Variants in PIAS2 observed in about 807,000 individuals in gnomAD.
PIAS2 encodes the protein E3 SUMO-protein ligase PIAS2.
In PIAS2, 19 loss-of-function variants were observed where a neutral mutation model predicts 69.7. The observed-to-expected ratio is 0.27, with a 90% CI of 0.19 to 0.40. The LOEUF is 0.40. Ranked by LOEUF, PIAS2 falls within the 10% of genes least tolerant of loss-of-function variation. The probability of loss-of-function intolerance (pLI) is 1.00; values close to 1 mark genes in which losing one functional copy is unlikely to be tolerated. For synonymous variants in PIAS2, 261 were observed against 263.2 expected (o/e 0.99, Z 0.08); for missense variants, 624 against 757.0 (o/e 0.82, Z 2.06).
At position 46,890,637 on chromosome 18, in the gene PIAS2, A is replaced by C. The variant is rs771619826; in HGVS notation, c.442T>G (p.Leu148Val). Residue 148 changes from leucine to valine, a missense_variant, in exon 2 of 14, where the codon TTA becomes GTA. This residue lies in a region of PIAS2 where 339 missense variants were observed against 408.8 expected (regional missense o/e 0.83). Transcript: ENST00000585916. Reference sequence around the variant, plus strand: ...ACATCATAAAAGGGCAGATTTTTTAACTGCACATCAGGATGGACAGGAGGA... The same window carrying C: ...ACATCATAAAAGGGCAGATTTTTTACCTGCACATCAGGATGGACAGGAGGA... ...PIPPVHPDVQ[L>V]KNLPFYDVLD... 6.2e-7 allele frequency: 1 copy of C among 1,614,200 alleles called. No individual in the cohort carries two copies. The highest frequency in any genetic ancestry group is 8.5e-7 in the Non-Finnish European group (1 of 1,180,010).
At chr18:46,827,840 A>G (rs2043034304) in intron 11 of PIAS2, 119 bp downstream of exon 11, 1 of 861,272 alleles carries the variant, frequency 1.2e-6, no homozygotes, top group Non-Finnish European at 1.7e-6. Context: ...CAACTCAACA[A>G]AGGCAAATTA....
intron 4 of PIAS2, 39 bp downstream of exon 4, chr18:46,855,526 C>A: frequency 6.3e-7 from 1 of 1,582,916 alleles, no homozygotes; most frequent in Non-Finnish European, 8.7e-7. Flanking sequence ...ACATAGTAAG[C>A]AAGTATAAAA....
At chr18:46,823,340 C>G (rs2042400259) in intron 11 of PIAS2, among the ~76,000 whole-genome samples, 1 of 151,956 alleles carries the variant, frequency 6.6e-6, no homozygotes, top group African/African-American at 2.4e-5. Context: ...TTTCCCACTC[C>G]CCCTTCTCTT....
Position 46,901,488 on chromosome 18 carries a change from T to A in PIAS2, c.25-10434A>T, listed in dbSNP as rs539369020. ...CTTAACAAAATATTAGTCAATAAAA[T>A]TCAGCAATATATAAAAAGAATTAAA... is the stretch of plus-strand genomic sequence containing the variant. On this transcript the variant is annotated intron_variant, in intron 1 of 13. Coordinates refer to ENST00000585916, the MANE Select transcript of PIAS2 (RefSeq NM_004671.5). Among the ~76,000 whole-genome samples, 5 of 152,288 alleles carry A rather than the reference T, an allele frequency of 3.3e-5. No homozygotes were observed. In the South Asian group the frequency reaches 1.0e-3, roughly 32 times the overall value.
intron 2 of PIAS2, among the ~76,000 whole-genome samples, chr18:46,884,886 T>C (rs1273412883): frequency 1.3e-5 from 2 of 150,378 alleles, no homozygotes; most frequent in African/African-American, 4.9e-5. Flanking sequence ...CATTGCACTC[T>C]AGCCTGGGCT....
chr18:46,835,453 G>C (rs2044288606), intron 9 of PIAS2, among the ~76,000 whole-genome samples: 1 of 152,206 alleles, frequency 6.6e-6, no homozygotes, highest in African/African-American at 2.4e-5. Context: ...TAATACTCTT[G>C]TAAAACTTTT....
chr18:46,807,375 ATATATATATTTT>A lies in PIAS2; in HGVS notation c.*5046_*5057del, dbSNP rs1282429155. ...AGATTTTATATATATATATATATATATATATATATTTTTTTTTTTTTTTTTTTTTTTTTTTAG... is the reference window on the plus strand; with the variant it reads ...AGATTTTATATATATATATATATATATTTTTTTTTTTTTTTTTTTTTTTAG... On this transcript the variant is annotated 3_prime_UTR_variant, in exon 14 of 14. Transcript: ENST00000585916. 6 of 25,910 alleles carry A rather than the reference ATATATATATTTT, an allele frequency of 2.3e-4. 1 individual carries two copies. The highest frequency in any genetic ancestry group is 1.8e-3 in the African/African-American group (6 of 3,244). 1.6% of individuals were successfully genotyped at this position (25,910 alleles called of 1,614,324 possible). A position where few individuals can be genotyped will look rare whatever the true frequency, so the allele number is the denominator to read the frequency against.
chr18:46,855,992 C>G (rs1237917191), intron 3 of PIAS2, among the ~76,000 whole-genome samples: 1 of 69,160 alleles, frequency 1.4e-5, no homozygotes, highest in Non-Finnish European at 3.0e-5. Flanking sequence ...TTTTCTTTTT[C>G]TTTTGTTTTT....
chr18:46,884,198 T>C (rs1348040270), intron 2 of PIAS2, among the ~76,000 whole-genome samples: 1 of 152,206 alleles, frequency 6.6e-6, no homozygotes, highest in East Asian at 1.9e-4. Context: ...CAGGTGTTCA[T>C]TCCCTTGAAT....
At chr18:46,829,313 GC>G (rs1358439388) in intron 10 of PIAS2, among the ~76,000 whole-genome samples, 4 of 152,088 alleles carry the variant, frequency 2.6e-5, no homozygotes, top group African/African-American at 9.7e-5. Flanking sequence ...TACTTTCTGA[GC>G]AACTAACCTG....
Position 46,862,891 on chromosome 18 carries a change from G to C in PIAS2, c.584+1273C>G, listed in dbSNP as rs774009997. 4.5e-4 allele frequency among the ~76,000 whole-genome samples: 69 copies of C among 152,168 alleles called. 1 individual carries two copies. Among genetic ancestry groups the C allele is most frequent in the Admixed American group, 1.2e-3 (18 of 15,276 alleles). ...CGGCTAATTTGTTGTATTTTTAGTA[G>C]AGATGGGTTTCGCCATGTTGGCCAG... On this transcript the variant is annotated intron_variant, in intron 3 of 13. Coordinates refer to ENST00000585916, the MANE Select transcript of PIAS2 (RefSeq NM_004671.5).
chr18:46,900,696 C>A (rs1422358304), intron 1 of PIAS2, among the ~76,000 whole-genome samples: 2 of 150,526 alleles, frequency 1.3e-5, no homozygotes, highest in Non-Finnish European at 3.0e-5. Context: ...AAAATAGAGG[C>A]TGGGCACAGT....
At chr18:46,865,233 C>T (rs530653971) in intron 2 of PIAS2, among the ~76,000 whole-genome samples, 1 of 152,042 alleles carries the variant, frequency 6.6e-6, no homozygotes, top group Non-Finnish European at 1.5e-5. Flanking sequence ...ACAATTGCAA[C>T]ATCACCCAAG....
At chr18:46,816,727 C>CA (rs2041594838) in intron 12 of PIAS2, 2 of 899,166 alleles carry the variant, frequency 2.2e-6, no homozygotes, top group Admixed American at 6.2e-5. Flanking sequence ...CTCAGCCTCC[C>CA]AAAGTGCTGG....
chr18:46,841,384 G>A (rs553744163), intron 8 of PIAS2, among the ~76,000 whole-genome samples: 2 of 152,024 alleles, frequency 1.3e-5, no homozygotes, highest in African/African-American at 4.8e-5. Context: ...TAAGTGCCTG[G>A]GATTTATTTT....
chr18:46,811,858 C>T lies in PIAS2; in HGVS notation c.*575G>A, dbSNP rs10502878. 22,130 of 152,070 alleles carry T rather than the reference C, an allele frequency of 0.15. 2,033 individuals carry two copies. Among genetic ancestry groups the T allele is most frequent in the Non-Finnish European group, 0.21 (14,217 of 67,974 alleles). The allele number at this position is 152,070 out of a possible 1,614,324, so 9.4% of individuals were successfully genotyped here. A position where few individuals can be genotyped will look rare whatever the true frequency, so the allele number is the denominator to read the frequency against. ...ATGCCATTTTTCTTTGATGCAATCA[C>T]GAAGAAAAGTGGAAATGCAGGACGA... On this transcript the variant is annotated 3_prime_UTR_variant, in exon 14 of 14. Transcript: ENST00000585916.
chr18:46,877,325 A>G (rs950232984), intron 2 of PIAS2, among the ~76,000 whole-genome samples: 13 of 152,224 alleles, frequency 8.5e-5, no homozygotes, highest in African/African-American at 2.4e-4. Flanking sequence ...TTCCTCTTCA[A>G]AGGTTTAATT....
At chr18:46,910,823 G>A (rs959033491) in intron 1 of PIAS2, among the ~76,000 whole-genome samples, 1 of 152,096 alleles carries the variant, frequency 6.6e-6, no homozygotes, top group Non-Finnish European at 1.5e-5. Context: ...AAATTCTGAG[G>A]AATTTATAAT....
intron 2 of PIAS2, among the ~76,000 whole-genome samples, chr18:46,871,427 G>A (rs933913537): frequency 5.9e-5 from 9 of 152,124 alleles, no homozygotes; most frequent in Non-Finnish European, 1.2e-4. Flanking sequence ...GACAAGACCA[G>A]GTAACCTCAG....
Sources: gnomAD v4.1 joint callset for allele counts (sites outside exome capture counted in the v4.1 genomes callset) on GRCh38, gnomAD v4.1.1 for gene constraint, gnomAD v4.1.1 regional missense constraint, MANE v1.5 for transcripts, NCBI Gene and HGNC (gene_info 2026-07-23, HGNC 2026-07-21) for gene names.